Variants in PLXDC2 observed in about 807,000 individuals in gnomAD.
The protein encoded by PLXDC2 is plexin domain-containing protein 2.
In PLXDC2, 40 loss-of-function variants were observed where a neutral mutation model predicts 68.9. The ratio of observed to expected loss-of-function variants is 0.58; its 90% CI spans 0.45 to 0.76. The LOEUF (loss-of-function observed/expected upper bound fraction) is 0.76, where lower values mean the gene tolerates loss of function less well. Ranked by LOEUF, PLXDC2 falls within the 30% of genes least tolerant of loss-of-function variation. The pLI is 0.00. For missense variants in PLXDC2, 644 were observed against 661.9 expected (o/e 0.97, Z 0.30); for synonymous variants, 243 against 234.2 (o/e 1.04, Z -0.34).
At chr10:20,049,206 T>C (rs1223278893) in intron 3 of PLXDC2, among the ~76,000 whole-genome samples, 1 of 152,062 alleles carries the variant, frequency 6.6e-6, no homozygotes, top group African/African-American at 2.4e-5. Context: ...GGAAGGAACA[T>C]ACCTCAAAGT....
chr10:19,821,160 G>T (rs1161332125), intron 1 of PLXDC2, among the ~76,000 whole-genome samples: 1 of 152,286 alleles, frequency 6.6e-6, no homozygotes, highest in African/African-American at 2.4e-5. Context: ...CATTAATACA[G>T]TCTCTTCTCC....
chr10:19,871,882 CAAA>C (rs66537453), intron 1 of PLXDC2, among the ~76,000 whole-genome samples: 10 of 122,048 alleles, frequency 8.2e-5, no homozygotes, highest in Admixed American at 1.6e-4. Context: ...GTGAAACTGT[CAAA>C]AAAAAAAAAA....
In PLXDC2 at chr10:20,098,829, C is replaced by G. The variant is rs1412342256; in HGVS notation, c.541+30590C>G. Among the ~76,000 whole-genome samples, 56 of 152,110 alleles carry G rather than the reference C, an allele frequency of 3.7e-4. 1 individual carries two copies. Among genetic ancestry groups the G allele is most frequent in the Admixed American group, 3.7e-3 (56 of 15,268 alleles). On this transcript the variant is annotated intron_variant, in intron 4 of 13. Coordinates refer to ENST00000377252, the MANE Select transcript of PLXDC2 (RefSeq NM_032812.9). ...AAGAATCAGATTGGGAGTTAGTCCT[C>G]TGAAGGGAGCATTGGTAGAAGCACT... is the stretch of plus-strand genomic sequence containing the variant.
chr10:20,084,574 GGAAGGCAGGTA>G (rs1395374999), intron 4 of PLXDC2, among the ~76,000 whole-genome samples: 2 of 152,032 alleles, frequency 1.3e-5, no homozygotes, highest in East Asian at 3.9e-4. Context: ...GATTCCTTGT[GGAAGGCAGGTA>G]GAAGGCAGCT....
chr10:19,941,251 A>G (rs1274449944), intron 1 of PLXDC2, among the ~76,000 whole-genome samples: 1 of 152,180 alleles, frequency 6.6e-6, no homozygotes, highest in Non-Finnish European at 1.5e-5. Flanking sequence ...CACTTTGTAG[A>G]GATAATGTGT....
chr10:20,230,902 T>C (rs181672769), intron 12 of PLXDC2, among the ~76,000 whole-genome samples: 252 of 150,712 alleles, frequency 1.7e-3, no homozygotes, highest in African/African-American at 6.0e-3. Context: ...ATATGTTGAG[T>C]CATAAAAAAT....
intron 2 of PLXDC2, among the ~76,000 whole-genome samples, chr10:20,005,363 T>G (rs1835010468): frequency 6.6e-6 from 1 of 152,154 alleles, no homozygotes; most frequent in Non-Finnish European, 1.5e-5. Flanking sequence ...TTCTGGGGAT[T>G]GATGGAGATT....
intron 9 of PLXDC2, among the ~76,000 whole-genome samples, chr10:20,202,715 AC>A (rs1465823673): frequency 6.6e-6 from 1 of 152,164 alleles, no homozygotes; most frequent in Non-Finnish European, 1.5e-5. Flanking sequence ...GAACACTGTA[AC>A]TTTTAGCTAT....
At chr10:19,890,297 G>A (rs1406596094) in intron 1 of PLXDC2, among the ~76,000 whole-genome samples, 1 of 152,020 alleles carries the variant, frequency 6.6e-6, no homozygotes, top group African/African-American at 2.4e-5. Flanking sequence ...TTTGTTATGT[G>A]GATGTACTGT....
At chr10:20,138,222 C>T (rs1833958273) in intron 4 of PLXDC2, among the ~76,000 whole-genome samples, 1 of 152,198 alleles carries the variant, frequency 6.6e-6, no homozygotes, top group East Asian at 1.9e-4. Context: ...TGTTGCCTTA[C>T]CTATTTTACT....
At chr10:20,261,154 A>G (rs1209126798) in intron 13 of PLXDC2, among the ~76,000 whole-genome samples, 1 of 152,120 alleles carries the variant, frequency 6.6e-6, no homozygotes, top group African/African-American at 2.4e-5. Context: ...CTTCCTCTTC[A>G]TGTTGTTACT....
intron 4 of PLXDC2, among the ~76,000 whole-genome samples, chr10:20,130,779 G>A (rs1833857409): frequency 1.1e-5 from 1 of 92,028 alleles, no homozygotes; most frequent in Non-Finnish European, 2.7e-5. Context: ...TTCTATTAAT[G>A]TAGTATATCA....
At chr10:19,847,621 G>C (rs1358374576) in intron 1 of PLXDC2, among the ~76,000 whole-genome samples, 1 of 152,204 alleles carries the variant, frequency 6.6e-6, no homozygotes, top group African/African-American at 2.4e-5. Flanking sequence ...ACACATTTAA[G>C]TTTGAAGATC....
chr10:19,925,419 G>A (rs1166984025), intron 1 of PLXDC2, among the ~76,000 whole-genome samples: 2 of 152,218 alleles, frequency 1.3e-5, no homozygotes, highest in African/African-American at 2.4e-5. Context: ...AGAAGAGCAT[G>A]GAGAGGCTTT....
intron 4 of PLXDC2, among the ~76,000 whole-genome samples, chr10:20,080,885 T>C (rs1836543929): frequency 6.6e-6 from 1 of 152,148 alleles, no homozygotes; most frequent in Non-Finnish European, 1.5e-5. Flanking sequence ...CAACCACAGA[T>C]TGCTAATAAC....
intron 1 of PLXDC2, among the ~76,000 whole-genome samples, chr10:19,966,662 C>T (rs547336869): frequency 2.7e-4 from 41 of 152,186 alleles, no homozygotes; most frequent in Non-Finnish European, 4.4e-4. Flanking sequence ...CTTTCTCTTC[C>T]TTTTCCTTCC....
At chr10:20,025,140 C>G (rs949665616) in intron 2 of PLXDC2, among the ~76,000 whole-genome samples, 2 of 152,096 alleles carry the variant, frequency 1.3e-5, no homozygotes, top group African/African-American at 4.8e-5. Context: ...TATGGTAGCT[C>G]TGTTTTAATT....
At position 20,279,742 on chromosome 10, in the gene PLXDC2, G is replaced by C. The variant is rs2119398581; in HGVS notation, c.1513G>C (p.Gly505Arg). 6.2e-7 allele frequency: 1 copy of C among 1,613,950 alleles called. No individual in the cohort carries two copies. The highest frequency in any genetic ancestry group is 1.7e-5 in the Admixed American group (1 of 59,994). Residue 505 changes from glycine (G) to arginine (R), a missense_variant, in exon 14 of 14, where the codon GGC (glycine) becomes CGC (arginine). Physicochemically the swap from Gly to Arg is moderately radical, Grantham distance 125 (BLOSUM62 -2). Coordinates refer to ENST00000377252, the MANE Select transcript of PLXDC2 (RefSeq NM_032812.9). ...SRWPAMKFRR[G>R]SGHPAYAEVE... ...ATGGCCTGCGATGAAGTTTAGAAGA[G>C]GCTCTGGACATCCTGCCTATGCTGA...
intron 4 of PLXDC2, among the ~76,000 whole-genome samples, chr10:20,119,814 G>A (rs1833672590): frequency 6.6e-6 from 1 of 151,934 alleles, no homozygotes; most frequent in Non-Finnish European, 1.5e-5. Flanking sequence ...TGGATTGTTA[G>A]AAGAAACATT....
Sources: allele counts gnomAD v4.1 joint callset (sites outside exome capture counted in the v4.1 genomes callset), GRCh38; gene constraint gnomAD v4.1.1; transcripts MANE v1.5; gene names NCBI Gene and HGNC (gene_info 2026-07-23, HGNC 2026-07-21).